ASCC1: variants seen among roughly 807,000 people sequenced by gnomAD.
ASCC1 encodes ASC-1 complex subunit P50.
ASCC1 carries 35 observed loss-of-function variants against 46.6 expected under a neutral mutation model. The ratio of observed to expected loss-of-function variants is 0.75; its 90% confidence interval spans 0.57 to 0.99. The LOEUF is 0.99. Among genes scored for constraint, ASCC1 ranks in the 50% least tolerant of loss-of-function variants. The pLI is 0.00. For missense variants in ASCC1, 376 were observed against 428.7 expected, an observed-to-expected ratio of 0.88 and a Z score of 1.09; for synonymous variants, 143 against 146.6, an observed-to-expected ratio of 0.98 and a Z score of 0.18.
At chr10:72,135,007 A>G (rs1846022887) in intron 7 of ASCC1, among the ~76,000 whole-genome samples, 1 of 152,340 alleles carries the variant, frequency 6.6e-6, no homozygotes, top group East Asian at 1.9e-4. Context: ...TCTGTCAAGA[A>G]ACTTGAAAGG....
chr10:72,172,792 ATAT>A (rs1851323745), intron 5 of ASCC1, among the ~76,000 whole-genome samples: 1 of 133,262 alleles, frequency 7.5e-6, no homozygotes, highest in South Asian at 2.2e-4. Flanking sequence ...ATTATATATT[ATAT>A]ATTATATTTT....
At chr10:72,216,514 A>C (rs73276918), upstream of ASCC1, among the ~76,000 whole-genome samples, 8,947 of 111,478 alleles carry the variant, frequency 0.08, 917 homozygotes, top group African/African-American at 0.24. Flanking sequence ...TGCGGCATCT[A>C]TTTGGTTTGG....
At chr10:72,102,479 G>T in intron 9 of ASCC1, 2 of 1,280,780 alleles carry the variant, frequency 1.6e-6, no homozygotes, top group Non-Finnish European at 2.2e-6. Context: ...CTTTTATTGA[G>T]TTGTAGTTCT....
At chr10:72,181,761 T>C (rs1055607702) in intron 5 of ASCC1, among the ~76,000 whole-genome samples, 4 of 151,884 alleles carry the variant, frequency 2.6e-5, no homozygotes, top group African/African-American at 7.3e-5. Context: ...TCTCAGCTCA[T>C]TGCAACCTTC....
At chr10:72,151,353 C>G (rs1482973599) in intron 7 of ASCC1, among the ~76,000 whole-genome samples, 1 of 151,878 alleles carries the variant, frequency 6.6e-6, no homozygotes, top group Non-Finnish European at 1.5e-5. Context: ...GGACAGAAAA[C>G]CAAACACCGC....
intron 9 of ASCC1, among the ~76,000 whole-genome samples, chr10:72,127,784 A>G (rs1325666874): frequency 6.6e-6 from 1 of 150,382 alleles, no homozygotes; most frequent in Non-Finnish European, 1.5e-5. Context: ...TGAGCCCAGG[A>G]GGTCAAGGCT....
chr10:72,100,710 A>C (rs769462516), intron 9 of ASCC1, among the ~76,000 whole-genome samples: 43 of 152,034 alleles, frequency 2.8e-4, no homozygotes, highest in Admixed American at 1.3e-4. Context: ...CTTTATTCTT[A>C]AGTCTTTTAG....
At chr10:72,134,081 G>A (rs978527756) in intron 7 of ASCC1, 3 of 152,262 alleles carry the variant, frequency 2.0e-5, no homozygotes, top group Admixed American at 2.0e-4. Context: ...AGGAGTTTGA[G>A]ACCAGCCTGG....
intron 7 of ASCC1, among the ~76,000 whole-genome samples, chr10:72,136,501 C>G (rs1438796149): frequency 6.6e-6 from 1 of 152,218 alleles, no homozygotes; most frequent in Non-Finnish European, 1.5e-5. Flanking sequence ...CGCTCTGTGT[C>G]TAGCTTAAAG....
intron 9 of ASCC1, among the ~76,000 whole-genome samples, chr10:72,126,235 AC>A (rs1844849003): frequency 6.6e-6 from 1 of 152,228 alleles, no homozygotes; most frequent in African/African-American, 2.4e-5. Context: ...CTGGCAAGTC[AC>A]TTTACCTTAG....
intron 5 of ASCC1, among the ~76,000 whole-genome samples, chr10:72,169,245 G>A (rs747736926): frequency 5.9e-5 from 9 of 152,024 alleles, no homozygotes; most frequent in Non-Finnish European, 8.8e-5. Context: ...AGACCAGCCC[G>A]GGTAACAAGG....
chr10:72,197,715 G>A (rs574026500), intron 4 of ASCC1, among the ~76,000 whole-genome samples: 14 of 151,674 alleles, frequency 9.2e-5, no homozygotes, highest in Admixed American at 7.2e-4. Flanking sequence ...AGACCAGCCT[G>A]GCCAATATGG....
At chr10:72,102,661 A>G (rs1286392891) in intron 9 of ASCC1, among the ~76,000 whole-genome samples, 1 of 152,144 alleles carries the variant, frequency 6.6e-6, no homozygotes, top group Non-Finnish European at 1.5e-5. Context: ...AAACAAAGTT[A>G]CCTAATGCCA....
At chr10:72,211,165 C>T (rs1858042915) in intron 2 of ASCC1, among the ~76,000 whole-genome samples, 1 of 152,190 alleles carries the variant, frequency 6.6e-6, no homozygotes, top group African/African-American at 2.4e-5. Context: ...AAAACTATTA[C>T]TACAATAAGA....
intron 6 of ASCC1, among the ~76,000 whole-genome samples, chr10:72,160,789 A>G (rs1849567044): frequency 6.7e-6 from 1 of 150,182 alleles, no homozygotes; most frequent in Non-Finnish European, 1.5e-5. Flanking sequence ...ATTAAAAAAA[A>G]AAAAAAAAAA....
At position 72,107,363 on chromosome 10, in the gene ASCC1, TA is replaced by T. The variant is rs1350720667; in HGVS notation, c.958-9914del. Among the ~76,000 whole-genome samples, 94 of 139,924 alleles carry T rather than the reference TA, an allele frequency of 6.7e-4. 1 individual carries two copies. Among genetic ancestry groups the T allele is most frequent in the East Asian group, 1.9e-3 (9 of 4,688 alleles). 91.8% of individuals were successfully genotyped at this position (139,924 alleles called of 152,430 possible). On this transcript the variant is annotated intron_variant, in intron 9 of 9. Coordinates refer to ENST00000672957, the MANE Select transcript of ASCC1 (RefSeq NM_001198800.3). ...TATGTTTATTAAAATTCCTCAAACC[TA>T]AAAAAAAAAAATTCTGAGTTTCTGC...
intron 9 of ASCC1, among the ~76,000 whole-genome samples, chr10:72,110,520 G>A (rs891478758): frequency 3.3e-5 from 5 of 152,004 alleles, no homozygotes; most frequent in African/African-American, 1.2e-4. Context: ...CGGGCGCAGT[G>A]GCCCATGCCT....
chr10:72,154,639 G>A (rs538322086), intron 6 of ASCC1, among the ~76,000 whole-genome samples: 246 of 151,996 alleles, frequency 1.6e-3, no homozygotes, highest in Non-Finnish European at 2.8e-3. Context: ...TTATAAACAT[G>A]TGCCACCATG....
chr10:72,143,430 T>TGG (rs1167396271), intron 7 of ASCC1, among the ~76,000 whole-genome samples: 1 of 151,670 alleles, frequency 6.6e-6, no homozygotes, highest in Non-Finnish European at 1.5e-5. Context: ...CTCAAACCCC[T>TGG]GGGCTCAAGC....
Sources: allele counts gnomAD v4.1 joint callset (sites outside exome capture counted in the v4.1 genomes callset), GRCh38; gene constraint gnomAD v4.1.1; transcripts MANE v1.5; gene names NCBI Gene and HGNC (gene_info 2026-07-23, HGNC 2026-07-21).